KAZN: variants seen among roughly 807,000 people sequenced by gnomAD.
The protein encoded by KAZN is kazrin, periplakin interacting protein.
A neutral mutation model predicts 87.4 loss-of-function variants in KAZN; 40 were observed. That is an observed-to-expected ratio of 0.46 (90% CI 0.36 to 0.60). The LOEUF (loss-of-function observed/expected upper bound fraction) is 0.60. Ranked by LOEUF, KAZN falls within the 20% of genes least tolerant of loss-of-function variation. KAZN has a pLI of 0.00. For synonymous variants in KAZN, 466 were observed against 458.3 expected (o/e 1.02, Z -0.22); for missense variants, 898 against 1,073.9 (o/e 0.84, Z 2.29).
At chr1:14,953,646 A>G (rs551141779) in intron 1 of KAZN, among the ~76,000 whole-genome samples, 37 of 152,294 alleles carry the variant, frequency 2.4e-4, no homozygotes, top group African/African-American at 8.9e-4. Flanking sequence ...AATTGTTATT[A>G]TAATAAATAA....
intron 2 of KAZN, among the ~76,000 whole-genome samples, chr1:15,019,826 T>C (rs1258173620): frequency 6.6e-6 from 1 of 152,228 alleles, no homozygotes; most frequent in East Asian, 1.9e-4. Context: ...TGACTACGGC[T>C]GTTACTGTGG....
At chr1:14,972,279 C>T (rs774008209) in intron 2 of KAZN, among the ~76,000 whole-genome samples, 7 of 152,216 alleles carry the variant, frequency 4.6e-5, no homozygotes, top group African/African-American at 4.8e-5. Flanking sequence ...ACGAAAGCCA[C>T]GCTGGCCTCC....
At chr1:14,061,094 G>A (rs997436823) in intron 1 of KAZN, among the ~76,000 whole-genome samples, 1 of 152,224 alleles carries the variant, frequency 6.6e-6, no homozygotes, top group East Asian at 1.9e-4. Context: ...GAGGACCAGG[G>A]TGGGAGAGGA....
At chr1:14,219,966 G>A (rs1295335532) in intron 2 of KAZN, among the ~76,000 whole-genome samples, 3 of 152,096 alleles carry the variant, frequency 2.0e-5, no homozygotes, top group East Asian at 1.9e-4. Flanking sequence ...GTCGTTGTCC[G>A]CATAAACTCT....
At chr1:14,620,333 T>C (rs1448488743) in intron 1 of KAZN, among the ~76,000 whole-genome samples, 2 of 152,258 alleles carry the variant, frequency 1.3e-5, no homozygotes, top group Admixed American at 1.3e-4. Context: ...GAGTATTCAA[T>C]GCGTTCATTC....
chr1:14,085,302 C>T (rs1320024001), intron 1 of KAZN, among the ~76,000 whole-genome samples: 2 of 152,106 alleles, frequency 1.3e-5, no homozygotes, highest in Admixed American at 6.5e-5. Flanking sequence ...ATAAATTAAT[C>T]AATTTCAGTG....
intron 2 of KAZN, among the ~76,000 whole-genome samples, chr1:14,408,523 A>C (rs1454232754): frequency 1.3e-5 from 1 of 74,192 alleles, no homozygotes; most frequent in Non-Finnish European, 2.6e-5. Flanking sequence ...GTTTGAGATC[A>C]GGGAGCCGGC....
intron 1 of KAZN, among the ~76,000 whole-genome samples, chr1:13,911,968 A>C (rs939666387): frequency 6.6e-6 from 1 of 152,120 alleles, no homozygotes; most frequent in Non-Finnish European, 1.5e-5. Flanking sequence ...ATTTTGGACA[A>C]GTTTCTTTTT....
At chr1:14,450,738 AG>A (rs752714021) in intron 2 of KAZN, among the ~76,000 whole-genome samples, 3 of 152,214 alleles carry the variant, frequency 2.0e-5, no homozygotes, top group Non-Finnish European at 2.9e-5. Context: ...AGTGTGGGGA[AG>A]GAGGGGTAGG....
chr1:14,369,810 C>T lies in KAZN; in HGVS notation c.249+189218C>T, dbSNP rs369973845. Among the ~76,000 whole-genome samples the T allele has an allele frequency of 1.1e-4, 16 of 152,280 alleles. No individual in the cohort carries two copies. In the East Asian group the frequency reaches 2.5e-3, roughly 24 times the overall value. ...TGGAACTGCTTTCAGGTATGCATTC[C>T]ACTAAAAACATGTAAATCTCAAAGA... On this transcript the variant is annotated intron_variant, in intron 2 of 16. Coordinates refer to the KAZN transcript ENST00000636203.
intron 1 of KAZN, among the ~76,000 whole-genome samples, chr1:14,909,282 T>C (rs1243837211): frequency 1.3e-5 from 2 of 152,156 alleles, no homozygotes; most frequent in African/African-American, 4.8e-5. Flanking sequence ...GCTCTGAGCA[T>C]TTAAGTGCCT....
At chr1:14,244,550 C>T (rs1315277515) in intron 2 of KAZN, among the ~76,000 whole-genome samples, 2 of 151,912 alleles carry the variant, frequency 1.3e-5, no homozygotes, top group African/African-American at 4.8e-5. Flanking sequence ...TATTGGGACA[C>T]GATAGACAAT....
At chr1:14,466,775 T>G (rs924595020) in intron 2 of KAZN, among the ~76,000 whole-genome samples, 1 of 151,926 alleles carries the variant, frequency 6.6e-6, no homozygotes, top group Non-Finnish European at 1.5e-5. Flanking sequence ...GAGACCATCC[T>G]GGCTAACACG....
chr1:14,350,029 G>A (rs538367895), intron 2 of KAZN, among the ~76,000 whole-genome samples: 13 of 151,580 alleles, frequency 8.6e-5, no homozygotes, highest in South Asian at 2.1e-4. Flanking sequence ...CCAGCTACTC[G>A]GGAGGCGTGA....
chr1:14,644,835 G>A (rs972137876), intron 1 of KAZN, among the ~76,000 whole-genome samples: 1 of 152,168 alleles, frequency 6.6e-6, no homozygotes, highest in Admixed American at 6.5e-5. Context: ...TTTTGCTTTT[G>A]TTGTGATTGC....
chr1:14,736,254 G>GGGGTGTGTGTGTGTGT (rs780407996), intron 1 of KAZN, among the ~76,000 whole-genome samples: 1 of 115,300 alleles, frequency 8.7e-6, no homozygotes, highest in Non-Finnish European at 1.8e-5. Context: ...GGGACTCAAG[G>GGGGTGTGTGTGTGTGT]GTGTGTGTGT....
At chr1:14,118,667 C>G (rs1451401314) in intron 1 of KAZN, among the ~76,000 whole-genome samples, 1 of 152,188 alleles carries the variant, frequency 6.6e-6, no homozygotes, top group Non-Finnish European at 1.5e-5. Context: ...GAAGAGATCT[C>G]AGAATTCATC....
rs544207743 is a variant in KAZN at position 14,236,191 on chromosome 1, C to T, written c.249+55599C>T. Among the ~76,000 whole-genome samples, 181 of 152,290 alleles carry T rather than the reference C, an allele frequency of 1.2e-3. 1 individual carries two copies. The highest frequency in any genetic ancestry group is 2.2e-3 in the Admixed American group (33 of 15,294). Reference sequence around the variant, plus strand: ...TTTCCTCTCCCACCCTGGGCCAGTCCACCCTAAGTGGCTTTAGGCTCCAGC... The same window carrying T: ...TTTCCTCTCCCACCCTGGGCCAGTCTACCCTAAGTGGCTTTAGGCTCCAGC... On this transcript the variant is annotated intron_variant, in intron 2 of 16. Coordinates refer to the KAZN transcript ENST00000636203.
At chr1:14,479,503 A>G (rs1340265492) in intron 2 of KAZN, among the ~76,000 whole-genome samples, 1 of 152,174 alleles carries the variant, frequency 6.6e-6, no homozygotes, top group African/African-American at 2.4e-5. Context: ...TGCTCTCTGC[A>G]TCATTCATTT....
Sources: allele counts gnomAD v4.1 joint callset (sites outside exome capture counted in the v4.1 genomes callset), GRCh38; gene constraint gnomAD v4.1.1; transcripts MANE v1.5; gene names NCBI Gene and HGNC (gene_info 2026-07-23, HGNC 2026-07-21).